Variants in RPL13 observed in about 807,000 individuals in gnomAD.
RPL13 encodes large ribosomal subunit protein eL13.
In RPL13, 1 loss-of-function variant was observed where a neutral mutation model predicts 21.4. The observed-to-expected ratio is 0.05, with a 90% CI of 0.02 to 0.22. RPL13 has a LOEUF of 0.22. Among genes scored for constraint, RPL13 ranks in the 10% least tolerant of loss-of-function variants. The probability of loss-of-function intolerance (pLI) is 1.00; values close to 1 mark genes in which losing one functional copy is unlikely to be tolerated. For synonymous variants in RPL13, 143 were observed against 120.5 expected, an observed-to-expected ratio of 1.19 and a Z score of -1.23; for missense variants, 289 against 303.0, an observed-to-expected ratio of 0.95 and a Z score of 0.34.
At chr16:89,565,148 A>T (rs1458370202), downstream of RPL13, 1 of 152,264 alleles carries the variant, frequency 6.6e-6, no homozygotes, top group Non-Finnish European at 1.5e-5. Flanking sequence ...CGTTTGCTTA[A>T]TCTATTAAGA....
At chr16:89,561,823 G>A (rs1597675186) in intron 4 of RPL13, 72 bp downstream of exon 4, 1 of 1,499,620 alleles carries the variant, frequency 6.7e-7, no homozygotes, top group Non-Finnish European at 9.1e-7. Flanking sequence ...CAGTGACACC[G>A]GTCCCTGGGT....
intron 4 of RPL13, 57 bp downstream of exon 4, chr16:89,561,808 T>G: frequency 6.4e-7 from 1 of 1,570,160 alleles, no homozygotes; most frequent in Non-Finnish European, 8.7e-7. Flanking sequence ...GCTTGGCTCC[T>G]TTATCAGTGA....
At chr16:89,561,983 C>A in intron 4 of RPL13, 1 of 601,042 alleles carries the variant, frequency 1.7e-6, no homozygotes, top group South Asian at 2.1e-5. Flanking sequence ...CGTTGCTCTC[C>A]CTAAAATGCT....
chr16:89,562,760 A>G, intron 5 of RPL13, 124 bp from the exon 6 acceptor site: 2 of 988,784 alleles, frequency 2.0e-6, no homozygotes, highest in Non-Finnish European at 2.9e-6. Context: ...GTTGCTTTTC[A>G]GCAGTACTTA....
rs1047687822 is a variant in RPL13 at position 89,561,380 on chromosome 16, C to T, written c.246+12C>T. ...TGGAGGAGCTCAGGGTGAGTACTGG[C>T]AGCGCTGCGGTGTCAGGAAGGCCCC... On this transcript the variant is annotated intron_variant, in intron 3 of 5. Transcript: ENST00000311528. The T allele has an allele frequency of 6.2e-7, 1 of 1,609,838 alleles. No individual in the cohort carries two copies.
chr16:89,560,901 C>CG, intron 1 of RPL13, 39 bp from the exon 2 acceptor site: 1 of 1,480,456 alleles, frequency 6.8e-7, no homozygotes, highest in African/African-American at 1.4e-5. Context: ...TGCGCGCGCC[C>CG]GGGGTCCGGC....
At position 89,563,083 on chromosome 16, in the gene RPL13, G is replaced by C; in HGVS notation, c.*41G>C. The C allele has an allele frequency of 6.9e-7, 1 of 1,451,750 alleles. No homozygotes were observed. The highest frequency in any genetic ancestry group is 1.5e-5 in the South Asian group (1 of 68,576). 89.9% of individuals were successfully genotyped at this position (1,451,750 alleles called of 1,614,324 possible). A position where few individuals can be genotyped will look rare whatever the true frequency, so the allele number is the denominator to read the frequency against. On this transcript the variant is annotated 3_prime_UTR_variant, in exon 6 of 6. Coordinates refer to ENST00000311528, the MANE Select transcript of RPL13 (RefSeq NM_000977.4). The stretch of plus-strand genomic sequence containing the variant: ...TTGGAATCAGTCGGCAGTCATGCTG[G>C]GTCTCCACGTGGTGTGTTTCGTGGG...
chr16:89,562,636 A>G (rs1300068136), intron 5 of RPL13: 6 of 579,372 alleles, frequency 1.0e-5, no homozygotes, highest in Non-Finnish European at 1.8e-5. Context: ...GAGTTTCTCT[A>G]TGCTGCTTAC....
In RPL13 at chr16:89,563,159, G is replaced by A. The variant is rs544634265; in HGVS notation, c.*117G>A. On this transcript the variant is annotated 3_prime_UTR_variant, in exon 6 of 6. Transcript: ENST00000311528. ...CACTGCTGTGACTTCCTCCTGCCAG[G>A]GGATTTGGGGCTTTCTTGAAAGACA... 3 of 1,007,760 alleles carry A rather than the reference G, an allele frequency of 3.0e-6. No homozygotes were observed. The highest frequency in any genetic ancestry group is 4.1e-6 in the Non-Finnish European group (3 of 739,570). 62.4% of individuals were successfully genotyped at this position (1,007,760 alleles called of 1,614,324 possible). A position where few individuals can be genotyped will look rare whatever the true frequency, so the allele number is the denominator to read the frequency against.
chr16:89,564,702 G>A (rs920800624), downstream of RPL13: 3 of 152,214 alleles, frequency 2.0e-5, no homozygotes, highest in Middle Eastern at 3.1e-3. Context: ...GCCTAGGCTC[G>A]AATCCCTCTC....
intron 4 of RPL13, 120 bp downstream of exon 4, chr16:89,561,871 T>C (rs1214343806): frequency 9.0e-7 from 1 of 1,110,776 alleles, no homozygotes; most frequent in African/African-American, 1.6e-5. Flanking sequence ...TTGTGGGTGA[T>C]GAGCTAAGCG....
intron 5 of RPL13, chr16:89,562,681 C>T (rs1204498677): frequency 3.4e-6 from 2 of 580,994 alleles, no homozygotes; most frequent in Non-Finnish European, 5.8e-6. Flanking sequence ...CAGGCTTGAG[C>T]CGCCATGTCC....
In RPL13 at chr16:89,563,875, A is replaced by C. The variant is rs1364021115; in HGVS notation, c.*833A>C. On this transcript the variant is annotated 3_prime_UTR_variant, in exon 6 of 6. Coordinates refer to ENST00000311528, the MANE Select transcript of RPL13 (RefSeq NM_000977.4). Reference sequence around the variant, plus strand: ...CAATGGGCTTCTTCACCCAGACACCAAGGTATGAGATGGCCCTGCCAAGTG... The same window carrying C: ...CAATGGGCTTCTTCACCCAGACACCCAGGTATGAGATGGCCCTGCCAAGTG... The C allele has an allele frequency of 6.6e-6, 1 of 152,216 alleles. No homozygotes were observed. The highest frequency in any genetic ancestry group is 2.4e-5 in the African/African-American group (1 of 41,440). The allele number at this position is 152,216 out of a possible 1,614,324, so 9.4% of individuals were successfully genotyped here. A position where few individuals can be genotyped will look rare whatever the true frequency, so the allele number is the denominator to read the frequency against.
intron 4 of RPL13, 91 bp downstream of exon 4, chr16:89,561,842 G>C (rs1423476690): frequency 2.8e-6 from 4 of 1,427,174 alleles, no homozygotes; most frequent in Non-Finnish European, 3.8e-6. Context: ...GTCTTGCTGG[G>C]GTGAGAAGAA....
At chr16:89,562,592 T>C (rs2058753609) in intron 5 of RPL13, 1 of 598,032 alleles carries the variant, frequency 1.7e-6, no homozygotes, top group Non-Finnish European at 2.9e-6. Flanking sequence ...AGTATTTTTG[T>C]TTGTTTTGTG....
Position 89,563,058 on chromosome 16 carries a change from T to C in RPL13, c.*16T>C. ...GAAAAAATAAAGCCCTCCTGGGGAC[T>C]TGGAATCAGTCGGCAGTCATGCTGG... On this transcript the variant is annotated 3_prime_UTR_variant, in exon 6 of 6. Coordinates refer to ENST00000311528, the MANE Select transcript of RPL13 (RefSeq NM_000977.4). 2 of 1,490,216 alleles carry C rather than the reference T, an allele frequency of 1.3e-6. No individual in the cohort carries two copies. Among genetic ancestry groups the C allele is most frequent in the East Asian group, 2.5e-5 (1 of 39,678 alleles). The allele number at this position is 1,490,216 out of a possible 1,614,324, so 92.3% of individuals were successfully genotyped here.
In RPL13 at chr16:89,563,027, T is replaced by C; in HGVS notation, c.621T>C (p.Val207=). 2 of 1,525,896 alleles carry C rather than the reference T, an allele frequency of 1.3e-6. No homozygotes were observed. The highest frequency in any genetic ancestry group is 8.8e-7 in the Non-Finnish European group (1 of 1,136,746). The allele number at this position is 1,525,896 out of a possible 1,614,324, so 94.5% of individuals were successfully genotyped here. A position where few individuals can be genotyped will look rare whatever the true frequency, so the allele number is the denominator to read the frequency against. The change falls in exon 6 of 6, where the codon GTT becomes GTC. Residue 207 remains valine, a synonymous_variant. Transcript: ENST00000311528. ...KRAKEAAEQD[V]EKKK is the part of the protein sequence containing the mutation. ...CCAAGGAAGCCGCAGAACAGGATGT[T>C]GAAAAGAAAAAATAAAGCCCTCCTG...
chr16:89,563,025 G>A lies in RPL13; in HGVS notation c.619G>A (p.Val207Ile), dbSNP rs998383188. 3.9e-6 allele frequency: 6 copies of A among 1,527,766 alleles called. No homozygotes were observed. The African/African-American group carries it at 4.3e-5, about 11-fold the overall frequency. 94.6% of individuals were successfully genotyped at this position (1,527,766 alleles called of 1,614,324 possible). A position where few individuals can be genotyped will look rare whatever the true frequency, so the allele number is the denominator to read the frequency against. ...KRAKEAAEQD[V>I]EKKK ...AGCCAAGGAAGCCGCAGAACAGGAT[G>A]TTGAAAAGAAAAAATAAAGCCCTCC... The change falls in exon 6 of 6, where the codon GTT becomes ATT. Residue 207 changes from valine (V) to isoleucine (I), a missense_variant. Val to Ile is a conservative substitution (Grantham distance 29). Transcript: ENST00000311528.
At position 89,561,288 on chromosome 16, in the gene RPL13, C is replaced by T. The variant is rs765190138; in HGVS notation, c.166C>T (p.Arg56Trp). ...IAPRPASGPI[R>W]PIVRCPTVRY... ...CCCGCGCCCCGCGTCGGGTCCCATC[C>T]GGCCCATCGTGCGCTGCCCCACGGT... Residue 56 changes from arginine to tryptophan, a missense_variant, in exon 3 of 6, where the codon CGG becomes TGG. Arg to Trp is a moderately radical substitution (Grantham distance 101). Transcript: ENST00000311528. 1.3e-6 allele frequency: 2 copies of T among 1,567,932 alleles called. No individual in the cohort carries two copies. The highest frequency in any genetic ancestry group is 2.3e-5 in the East Asian group (1 of 42,652).
Sources: allele counts gnomAD v4.1 joint callset, GRCh38; gene constraint gnomAD v4.1.1; transcripts MANE v1.5; gene names NCBI Gene and HGNC (gene_info 2026-07-23, HGNC 2026-07-21).